The following PABPC1 variants were observed in gnomAD, a reference collection of about 807,000 sequenced individuals.
PABPC1 encodes poly(A) binding protein cytoplasmic 1.
Under a neutral mutation model 74.0 loss-of-function variants are expected in PABPC1, and 4 were observed. That is an observed-to-expected ratio of 0.05 (90% CI 0.03 to 0.12). The LOEUF is 0.12. Among genes scored for constraint, PABPC1 ranks in the 10% least tolerant of loss-of-function variants. PABPC1 has a pLI of 1.00. For missense variants in PABPC1, 271 were observed against 821.1 expected, an observed-to-expected ratio of 0.33 and a Z score of 8.19; for synonymous variants, 227 against 264.1, an observed-to-expected ratio of 0.86 and a Z score of 1.36.
At chr8:100,709,028 T>C (rs961080986) in intron 9 of PABPC1, 105 bp downstream of exon 9, 5 of 876,702 alleles carry the variant, frequency 5.7e-6, no homozygotes, top group East Asian at 2.4e-5. Context: ...CCACAAATTA[T>C]GTGAAATGCA....
At position 100,721,239 on chromosome 8, in the gene PABPC1, T is replaced by TC. The variant is rs1187926496; in HGVS notation, c.193+151dup. 4.4e-6 allele frequency: 1 copy of TC among 225,636 alleles called. No individual in the cohort carries two copies. Among genetic ancestry groups the TC allele is most frequent in the African/African-American group, 2.4e-5 (1 of 42,532 alleles). The allele number at this position is 225,636 out of a possible 1,614,324, so 14.0% of individuals were successfully genotyped here. ...TCCCCGCCGGCTCGGGAAACGCGGC[T>TC]CCAGGGACCCCGGCGCCTTCCCGCC... On this transcript the variant is annotated intron_variant, in intron 1 of 14. Transcript: ENST00000318607. This position sits in a 1 kb window ranked among gnomAD's most constrained non-coding sequence, Gnocchi z 7.4.
At chr8:100,720,889 G>A (rs1049419532) in intron 1 of PABPC1, among the ~76,000 whole-genome samples, 7 of 152,206 alleles carry the variant, frequency 4.6e-5, no homozygotes, top group African/African-American at 1.7e-4. Context: ...ACTGGGCCAG[G>A]AGCAGGAGCA....
chr8:100,719,311 A>C (rs1405729774), intron 1 of PABPC1, among the ~76,000 whole-genome samples: 1 of 152,124 alleles, frequency 6.6e-6, no homozygotes, highest in Non-Finnish European at 1.5e-5. Flanking sequence ...TTATAAATGA[A>C]AGTTCCAGTT....
rs1440044073 is a variant in PABPC1 at position 100,704,281 on chromosome 8, A to G, written c.*1+16T>C. The G allele has an allele frequency of 6.3e-7, 1 of 1,591,006 alleles. No individual in the cohort carries two copies. The highest frequency in any genetic ancestry group is 1.1e-5 in the South Asian group (1 of 90,504). On this transcript the variant is annotated intron_variant, in intron 14 of 14. Coordinates refer to ENST00000318607, the MANE Select transcript of PABPC1 (RefSeq NM_002568.4). ...GAAAACAAGCTTAAAACAACAAACCAGAGGGAAAAGCTCACTTTAAACAGT... is the reference window on the plus strand; with the variant it reads ...GAAAACAAGCTTAAAACAACAAACCGGAGGGAAAAGCTCACTTTAAACAGT...
intron 3 of PABPC1, among the ~76,000 whole-genome samples, chr8:100,717,065 C>T (rs1338385106): frequency 1.3e-5 from 2 of 152,094 alleles, no homozygotes; most frequent in African/African-American, 4.8e-5. Context: ...GACTGGAGTA[C>T]AATGGCGAAA....
chr8:100,704,474 C>A, intron 13 of PABPC1, 84 bp from the exon 14 acceptor site: 2 of 1,123,262 alleles, frequency 1.8e-6, no homozygotes, highest in Non-Finnish European at 2.7e-6. Context: ...CAATTCCCAA[C>A]AAAGATAAGT....
chr8:100,719,683 C>A (rs1197757399), intron 1 of PABPC1, among the ~76,000 whole-genome samples: 9 of 152,158 alleles, frequency 5.9e-5, no homozygotes, highest in Admixed American at 5.9e-4. Flanking sequence ...AAGTTCAACT[C>A]TTCGAATCCC....
Position 100,712,443 on chromosome 8 carries a change from A to G in PABPC1, c.891T>C (p.Tyr297=), listed in dbSNP as rs1483227982. The change falls in exon 7 of 15, where the codon TAT becomes TAC. Residue 297 remains tyrosine (Y), a synonymous_variant. Transcript: ENST00000318607. ...CAATACCATCATCAAGATTTTTCACATAAAGATTAACACCCTAAAAAGAAG... is the reference window on the plus strand; with the variant it reads ...CAATACCATCATCAAGATTTTTCACGTAAAGATTAACACCCTAAAAAGAAG... ...RITRYQGVNL[Y]VKNLDDGIDD... is the part of the protein sequence containing the mutation. The G allele has an allele frequency of 6.2e-7, 1 of 1,606,438 alleles. No individual in the cohort carries two copies. Among genetic ancestry groups the G allele is most frequent in the Non-Finnish European group, 8.5e-7 (1 of 1,175,368 alleles).
chr8:100,710,785 G>A (rs1018554247), intron 7 of PABPC1, among the ~76,000 whole-genome samples: 1 of 151,080 alleles, frequency 6.6e-6, no homozygotes, highest in African/African-American at 2.4e-5. Flanking sequence ...TCAGGAGTTC[G>A]AGACCAGCCT....
At chr8:100,711,675 C>A (rs923287103) in intron 7 of PABPC1, among the ~76,000 whole-genome samples, 3 of 152,234 alleles carry the variant, frequency 2.0e-5, no homozygotes, top group African/African-American at 7.2e-5. Flanking sequence ...TTGTATTCAA[C>A]CACCTTTCCC....
intron 9 of PABPC1, among the ~76,000 whole-genome samples, 191 bp downstream of exon 9, chr8:100,708,942 T>G (rs183270736): frequency 2.2e-3 from 327 of 152,026 alleles, no homozygotes; most frequent in Non-Finnish European, 3.9e-3. Flanking sequence ...AAAACTTTTA[T>G]AAAGGGAAAT....
Position 100,721,672 on chromosome 8 carries a change from G to A in PABPC1, c.-89C>T. The stretch of plus-strand genomic sequence containing the variant: ...CCGGGGCTGGGGGCCGGAGCCGGGG[G>A]GAGGGGAGCGGGGAGCAAGCGCAGA... On this transcript the variant is annotated 5_prime_UTR_variant, in exon 1 of 15. Coordinates refer to ENST00000318607, the MANE Select transcript of PABPC1 (RefSeq NM_002568.4). The surrounding 1 kb of genome is among the most constrained non-coding windows in gnomAD (Gnocchi z 7.4). 1 of 1,135,208 alleles carries A rather than the reference G, an allele frequency of 8.8e-7. No homozygotes were observed. Among genetic ancestry groups the A allele is most frequent in the Non-Finnish European group, 1.2e-6 (1 of 844,530 alleles). The allele number at this position is 1,135,208 out of a possible 1,614,324, so 70.3% of individuals were successfully genotyped here. A position where few individuals can be genotyped will look rare whatever the true frequency, so the allele number is the denominator to read the frequency against.
chr8:100,712,726 T>C lies in PABPC1; in HGVS notation c.802A>G (p.Lys268Glu). The change falls in exon 6 of 15, where the codon AAA becomes GAA. Residue 268 changes from lysine (K) to glutamate (E), a missense_variant. Transcript: ENST00000318607. ...GKQIYVGRAQ[K>E]KVERQTELKR... is the part of the protein sequence containing the mutation. ...AGTTCCGTCTGCCGTTCCACCTTTT[T>C]CTGAGCTCGACCAACATAAATTTGT... The C allele has an allele frequency of 6.2e-7, 1 of 1,613,702 alleles. No individual in the cohort carries two copies.
At chr8:100,706,547 A>G (rs1407378208) in intron 11 of PABPC1, 104 bp downstream of exon 11, 2 of 1,013,868 alleles carry the variant, frequency 2.0e-6, no homozygotes, top group Non-Finnish European at 1.5e-6. Flanking sequence ...TCAACCTCCC[A>G]AAGTGCTGGG....
At chr8:100,719,691 C>A (rs755560038) in intron 1 of PABPC1, among the ~76,000 whole-genome samples, 3 of 152,120 alleles carry the variant, frequency 2.0e-5, no homozygotes, top group Non-Finnish European at 4.4e-5. Context: ...CTCTTCGAAT[C>A]CCAAGAAATG....
At chr8:100,716,644 C>A (rs768022283) in intron 3 of PABPC1, among the ~76,000 whole-genome samples, 1 of 152,176 alleles carries the variant, frequency 6.6e-6, no homozygotes, top group Non-Finnish European at 1.5e-5. Flanking sequence ...TCAAAGGGAG[C>A]GTATTTCATT....
intron 1 of PABPC1, among the ~76,000 whole-genome samples, chr8:100,720,642 A>T (rs938066878): frequency 1.1e-4 from 16 of 152,234 alleles, no homozygotes; most frequent in African/African-American, 3.6e-4. Flanking sequence ...GTTGCCTGAG[A>T]AAACTGGCCT....
At position 100,709,143 on chromosome 8, in the gene PABPC1, G is replaced by A; in HGVS notation, c.1326C>T (p.Ala442=). The A allele has an allele frequency of 1.2e-6, 2 of 1,613,242 alleles. No individual in the cohort carries two copies. Among genetic ancestry groups the A allele is most frequent in the Non-Finnish European group, 1.7e-6 (2 of 1,179,598 alleles). ...AGAAAAAAGACTTACGATGAGGTCT[G>A]GCACCCTGAGCAGTCCAGCGAGGAC... ...RPSPRWTAQG[A]RPHPFQNMPG... is the part of the protein sequence containing the mutation. The change falls in exon 9 of 15, where the codon GCC becomes GCT. Residue 442 remains alanine (A), a synonymous_variant. Coordinates refer to ENST00000318607, the MANE Select transcript of PABPC1 (RefSeq NM_002568.4).
intron 1 of PABPC1, among the ~76,000 whole-genome samples, chr8:100,720,424 A>C (rs1245118411): frequency 1.3e-5 from 2 of 152,252 alleles, no homozygotes; most frequent in African/African-American, 4.8e-5. Context: ...ACTTTTAAAA[A>C]TAAAAGAGAA....
Sources: gnomAD v4.1 joint callset for allele counts (sites outside exome capture counted in the v4.1 genomes callset) on GRCh38, gnomAD v4.1.1 for gene constraint, Gnocchi (gnomAD v3.1) non-coding constraint, MANE v1.5 for transcripts, NCBI Gene and HGNC (gene_info 2026-07-23, HGNC 2026-07-21) for gene names.